The following CHDH variants were observed in gnomAD, a reference collection of about 807,000 sequenced individuals.
CHDH encodes choline dehydrogenase, mitochondrial.
Under a neutral mutation model 56.9 loss-of-function variants are expected in CHDH, and 43 were observed. That is an observed-to-expected ratio of 0.76 (90% CI 0.59 to 0.97). CHDH has a LOEUF of 0.97. Among genes scored for constraint, CHDH ranks in the 50% least tolerant of loss-of-function variants. CHDH has a pLI of 0.00. For missense variants in CHDH, 816 were observed against 821.1 expected (o/e 0.99, Z 0.08); for synonymous variants, 364 against 348.5 (o/e 1.04, Z -0.50).
rs774781009 is a variant in CHDH at position 53,820,488 on chromosome 3, A to C, written c.1106T>G (p.Leu369Arg). 1 of 1,612,524 alleles carries C rather than the reference A, an allele frequency of 6.2e-7. No individual in the cohort carries two copies. Among genetic ancestry groups the C allele is most frequent in the African/African-American group, 1.3e-5 (1 of 74,862 alleles). Residue 369 changes from leucine (L) to arginine (R), a missense_variant, in exon 6 of 9, where the codon CTC becomes CGC. Coordinates refer to ENST00000315251, the MANE Select transcript of CHDH (RefSeq NM_018397.5). Reference sequence around the variant, plus strand: ...AGCGTGCTCACCTGTGAATTTCCAGAGCCACTCCAGACCAATGCAGACCTT... The same window carrying C: ...AGCGTGCTCACCTGTGAATTTCCAGCGCCACTCCAGACCAATGCAGACCTT... Reference protein sequence around the residue: ...LRKVCIGLEWLWKFTGEGATA... With the variant: ...LRKVCIGLEWRWKFTGEGATA...
intron 3 of CHDH, 66 bp from the exon 4 acceptor site, chr3:53,822,708 G>C (rs954175638): frequency 1.3e-6 from 2 of 1,557,822 alleles, no homozygotes; most frequent in Non-Finnish European, 1.7e-6. Flanking sequence ...CAGGAGGAAG[G>C]AGCTGGAGAA....
At chr3:53,821,614 A>G (rs2095626679) in intron 5 of CHDH, 33 bp downstream of exon 5, 1 of 1,599,996 alleles carries the variant, frequency 6.3e-7, no homozygotes, top group South Asian at 1.1e-5. Context: ...GAGCAGAGAC[A>G]GCCTCTGGGG....
intron 1 of CHDH, among the ~76,000 whole-genome samples, chr3:53,843,405 G>A (rs1312165359): frequency 6.6e-6 from 1 of 152,134 alleles, no homozygotes; most frequent in Admixed American, 6.5e-5. Flanking sequence ...GATGGTGAAT[G>A]AGCCGCAGAA....
chr3:53,815,322 G>C lies in CHDH; in HGVS notation c.*2455C>G, dbSNP rs1429564747. ...CCAATTCCCTATGAGACTGAAGATG[G>C]GGGGGTACCCTCTGTGCACCCCACT... On this transcript the variant is annotated 3_prime_UTR_variant, in exon 9 of 9. Transcript: ENST00000315251. 1.3e-5 allele frequency: 2 copies of C among 152,000 alleles called. No individual in the cohort carries two copies. The highest frequency in any genetic ancestry group is 6.5e-5 in the Admixed American group (1 of 15,274). The allele number at this position is 152,000 out of a possible 1,614,324, so 9.4% of individuals were successfully genotyped here. A position where few individuals can be genotyped will look rare whatever the true frequency, so the allele number is the denominator to read the frequency against.
rs1335892986 is a variant in CHDH, at chr3:53,815,128, C to T, written c.*2649G>A. ...AGCCCACCCCTATCCCCTATTCCAT[C>T]AGGAGCTGCCTTCTACTAGTGCAGC... On this transcript the variant is annotated 3_prime_UTR_variant, in exon 9 of 9. Coordinates refer to ENST00000315251, the MANE Select transcript of CHDH (RefSeq NM_018397.5). 6.6e-6 allele frequency: 1 copy of T among 152,284 alleles called. No homozygotes were observed. Among genetic ancestry groups the T allele is most frequent in the East Asian group, 1.9e-4 (1 of 5,208 alleles). 9.4% of individuals were successfully genotyped at this position (152,284 alleles called of 1,614,324 possible).
Position 53,818,065 on chromosome 3 carries a change from ATC to A in CHDH, c.1495_1496del (p.Asp499CysfsTer18). 6.2e-7 allele frequency: 1 copy of A among 1,614,200 alleles called. No homozygotes were observed. The highest frequency in any genetic ancestry group is 8.5e-7 in the Non-Finnish European group (1 of 1,180,042). On this transcript the variant is annotated frameshift_variant, in exon 9 of 9. Transcript: ENST00000315251. LOFTEE classifies it high-confidence loss of function. ...TGTCGGCTTTTGCCCGCACAAAGGC[ATC>A]TATCTCTTTATCTGACTGAATGTGG... is the stretch of plus-strand genomic sequence containing the variant. Reference protein sequence around the residue: ...GSHIQSDKEIDAFVRAKADSA... With the variant: ...GSHIQSDKEIXAFVRAKADSA...
chr3:53,835,254 C>A (rs1055732996), intron 2 of CHDH, among the ~76,000 whole-genome samples: 1 of 152,204 alleles, frequency 6.6e-6, no homozygotes, highest in Admixed American at 6.5e-5. Flanking sequence ...CATGAAAGGA[C>A]CCTGTTAACA....
At chr3:53,836,431 C>T (rs770416509) in intron 2 of CHDH, among the ~76,000 whole-genome samples, 11 of 152,232 alleles carry the variant, frequency 7.2e-5, no homozygotes, top group Non-Finnish European at 1.5e-4. Flanking sequence ...AGGGCCTTTG[C>T]ACATGCTGTT....
rs764233519 is a variant in CHDH, at chr3:53,822,578, G to C, written c.768C>G (p.Ala256=). 3.1e-6 allele frequency: 5 copies of C among 1,613,072 alleles called. No individual in the cohort carries two copies. The highest frequency in any genetic ancestry group is 3.4e-6 in the Non-Finnish European group (4 of 1,180,008). The part of the protein sequence containing the change: ...HPALSRTNLK[A]EAETLVSRVL... ...CCCTGCTCACAAGCGTCTCGGCCTC[G>C]GCCTTGAGGTTGGTGCGGCTCAGTG... is the stretch of plus-strand genomic sequence containing the variant. The change falls in exon 4 of 9, where the codon GCC becomes GCG. Residue 256 remains alanine (A), a synonymous_variant. Transcript: ENST00000315251.
intron 2 of CHDH, among the ~76,000 whole-genome samples, chr3:53,833,035 G>C (rs1329684375): frequency 1.3e-5 from 2 of 152,234 alleles, no homozygotes; most frequent in African/African-American, 4.8e-5. Context: ...TCTGAGCAGG[G>C]AGGCATTCCT....
At chr3:53,824,618 G>A (rs921025308) in intron 2 of CHDH, among the ~76,000 whole-genome samples, 2 of 152,162 alleles carry the variant, frequency 1.3e-5, no homozygotes, top group East Asian at 1.9e-4. Context: ...CCTTTGACCC[G>A]AGGGGCCATG....
intron 2 of CHDH, among the ~76,000 whole-genome samples, chr3:53,825,362 G>A (rs980386273): frequency 5.9e-5 from 9 of 152,120 alleles, no homozygotes; most frequent in Non-Finnish European, 1.2e-4. Context: ...TTTAACCAAG[G>A]TGAGCATTAT....
chr3:53,820,591 G>T lies in CHDH; in HGVS notation c.1003C>A (p.Gln335Lys), dbSNP rs1350705486. 4 of 1,610,634 alleles carry T rather than the reference G, an allele frequency of 2.5e-6. No homozygotes were observed. The highest frequency in any genetic ancestry group is 3.4e-6 in the Non-Finnish European group (4 of 1,178,580). ...CHLPGVGQNL[Q>K]DHLEIYIQQA... is the part of the protein sequence containing the mutation. The stretch of plus-strand genomic sequence containing the variant: ...TGAATGTAGATCTCCAGGTGGTCTT[G>T]CAGGTTCTGGCCAACCCCTGATACG... The change falls in exon 6 of 9, where the codon CAA (glutamine) becomes AAA (lysine). Residue 335 changes from glutamine to lysine, a missense_variant. Coordinates refer to ENST00000315251, the MANE Select transcript of CHDH (RefSeq NM_018397.5).
intron 5 of CHDH, 44 bp from the exon 6 acceptor site, chr3:53,820,652 C>T (rs369803673): frequency 1.3e-6 from 2 of 1,582,052 alleles, no homozygotes; most frequent in Admixed American, 1.8e-5. Flanking sequence ...ACCAAGGGGG[C>T]TCAGCTGCTT....
rs867934429 is a variant in CHDH at position 53,837,398 on chromosome 3, C to T, written c.-60+3531G>A. Among the ~76,000 whole-genome samples, 4 of 152,304 alleles carry T rather than the reference C, an allele frequency of 2.6e-5. No individual in the cohort carries two copies. In the South Asian group the frequency reaches 6.2e-4, roughly 24 times the overall value. On this transcript the variant is annotated intron_variant, in intron 2 of 8. Coordinates refer to ENST00000315251, the MANE Select transcript of CHDH (RefSeq NM_018397.5). ...GTAGCCCACCTGCCCTCTGGATCCT[C>T]TTGGTAAAAAGGGGCAGATGGGACT...
chr3:53,843,291 G>C (rs1020474943), intron 1 of CHDH, among the ~76,000 whole-genome samples: 1 of 143,194 alleles, frequency 7.0e-6, no homozygotes, highest in African/African-American at 2.6e-5. Flanking sequence ...TGTTTCTTCT[G>C]CGTTTCCTAA....
chr3:53,822,481 G>A lies in CHDH; in HGVS notation c.855+10C>T, dbSNP rs1339705121. ...CCCTTCTTCCAGGACCCCAGCTGCA[G>A]TCCACTCACCCTGTGGCTCTGGCCA... On this transcript the variant is annotated intron_variant, in intron 4 of 8. Transcript: ENST00000315251. 6.2e-7 allele frequency: 1 copy of A among 1,601,960 alleles called. No homozygotes were observed. Among genetic ancestry groups the A allele is most frequent in the African/African-American group, 1.3e-5 (1 of 74,752 alleles).
chr3:53,824,083 G>A lies in CHDH; in HGVS notation c.-59-16C>T, dbSNP rs2095634314. On this transcript the variant is annotated splice_polypyrimidine_tract_variant and intron_variant, in intron 2 of 8. Transcript: ENST00000315251. ...TCACTTCTCCCTAAAACAGGAAGAG[G>A]GGCTTTAAAAATCTTAACTCCGCAT... 7.4e-7 allele frequency: 1 copy of A among 1,347,624 alleles called. No homozygotes were observed. Among genetic ancestry groups the A allele is most frequent in the South Asian group, 1.6e-5 (1 of 61,792 alleles). The allele number at this position is 1,347,624 out of a possible 1,614,324, so 83.5% of individuals were successfully genotyped here.
At chr3:53,821,804 C>T in intron 4 of CHDH, 28 bp from the exon 5 acceptor site, 1 of 1,610,902 alleles carries the variant, frequency 6.2e-7, no homozygotes. Context: ...AGGTCACTCC[C>T]TGAAAAGCCA....
Sources: allele counts gnomAD v4.1 joint callset (sites outside exome capture counted in the v4.1 genomes callset), GRCh38; gene constraint gnomAD v4.1.1; transcripts MANE v1.5; gene names NCBI Gene and HGNC (gene_info 2026-07-23, HGNC 2026-07-21).